PTPRQ: variants seen among roughly 807,000 people sequenced by gnomAD.
The protein encoded by PTPRQ is phosphatidylinositol phosphatase PTPRQ.
A neutral mutation model predicts 246.0 loss-of-function variants in PTPRQ; 199 were observed. The ratio of observed to expected loss-of-function variants is 0.81; its 90% CI spans 0.72 to 0.91. The LOEUF (loss-of-function observed/expected upper bound fraction) is 0.91, where lower values mean the gene tolerates loss of function less well. Among genes scored for constraint, PTPRQ ranks in the 40% least tolerant of loss-of-function variants. The pLI is 0.00. For missense variants in PTPRQ, 2,624 were observed against 2,528.4 expected, an observed-to-expected ratio of 1.04 and a Z score of -0.81; for synonymous variants, 869 against 853.2, an observed-to-expected ratio of 1.02 and a Z score of -0.32.
At chr12:80,627,986 A>G (rs1482878099) in intron 33 of PTPRQ, among the ~76,000 whole-genome samples, 1 of 152,030 alleles carries the variant, frequency 6.6e-6, no homozygotes, top group African/African-American at 2.4e-5. Flanking sequence ...TCATTTCCTC[A>G]TTTGGCCAGT....
intron 3 of PTPRQ, among the ~76,000 whole-genome samples, chr12:80,450,478 G>A (rs1198688156): frequency 3.7e-4 from 56 of 152,174 alleles, no homozygotes; most frequent in East Asian, 1.7e-3. Context: ...GAATGCTTCT[G>A]GTTTTTGCCC....
chr12:80,532,566 G>A (rs1320175065), intron 17 of PTPRQ, among the ~76,000 whole-genome samples: 1 of 152,116 alleles, frequency 6.6e-6, no homozygotes, highest in Non-Finnish European at 1.5e-5. Context: ...CTCTTCTGTA[G>A]TGTCCTGATG....
At chr12:80,592,659 C>T (rs1897838833) in intron 26 of PTPRQ, among the ~76,000 whole-genome samples, 2 of 151,950 alleles carry the variant, frequency 1.3e-5, no homozygotes, top group Non-Finnish European at 2.9e-5. Context: ...GTTGCAAACT[C>T]AAAAAATAAT....
chr12:80,608,933 G>A lies in PTPRQ; in HGVS notation c.4732-1506G>A, dbSNP rs1375205487. On this transcript the variant is annotated intron_variant, in intron 27 of 44. Transcript: ENST00000644991. ...AATTACAAAAAGCATATTTTTATGT[G>A]ATATTCAAATGTTAACAACTAGTTA... Among the ~76,000 whole-genome samples, 3 of 150,486 alleles carry A rather than the reference G, an allele frequency of 2.0e-5. No individual in the cohort carries two copies. In the Admixed American group the frequency reaches 2.0e-4, roughly 10 times the overall value.
intron 3 of PTPRQ, among the ~76,000 whole-genome samples, chr12:80,450,820 G>A (rs1026038572): frequency 2.0e-5 from 3 of 152,186 alleles, no homozygotes; most frequent in Non-Finnish European, 2.9e-5. Context: ...GTTCATCAAG[G>A]ATATTGGTCT....
chr12:80,664,425 A>G (rs1394485496), intron 39 of PTPRQ, among the ~76,000 whole-genome samples: 1 of 151,980 alleles, frequency 6.6e-6, no homozygotes, highest in East Asian at 1.9e-4. Context: ...CTAGTCCCTG[A>G]TAACAGCCAA....
At chr12:80,465,681 G>T (rs1056877600) in intron 6 of PTPRQ, 4 of 152,086 alleles carry the variant, frequency 2.6e-5, no homozygotes, top group Non-Finnish European at 2.9e-5. Flanking sequence ...TTCATCCCTG[G>T]GATGCAAGGC....
intron 25 of PTPRQ, among the ~76,000 whole-genome samples, chr12:80,584,901 T>C (rs1260266264): frequency 6.6e-6 from 1 of 152,048 alleles, no homozygotes. Context: ...TCCCTAAAGA[T>C]AGTGTTTTCT....
intron 36 of PTPRQ, among the ~76,000 whole-genome samples, chr12:80,649,224 C>A (rs1420028818): frequency 1.3e-5 from 2 of 152,082 alleles, no homozygotes; most frequent in African/African-American, 2.4e-5. Flanking sequence ...TTTATATCTT[C>A]TAAAACCTTG....
At chr12:80,610,237 T>C (rs536641376) in intron 27 of PTPRQ, among the ~76,000 whole-genome samples, 72 of 150,712 alleles carry the variant, frequency 4.8e-4, no homozygotes, top group Non-Finnish European at 8.5e-4. Context: ...GTCTTTTTTC[T>C]TTTACTTTCA....
rs535487319 is a variant in PTPRQ, at chr12:80,487,810, C to T, written c.1359+3205C>T. The stretch of plus-strand genomic sequence containing the variant: ...TCACTATATTAGTTTTCCATTGTTC[C>T]ATAACAATTTTCCACAAACTTAGCA... On this transcript the variant is annotated intron_variant, in intron 9 of 44. Coordinates refer to ENST00000644991, the MANE Select transcript of PTPRQ (RefSeq NM_001145026.2). Among the ~76,000 whole-genome samples, 5 of 152,194 alleles carry T rather than the reference C, an allele frequency of 3.3e-5. No homozygotes were observed. The South Asian group carries it at 1.0e-3, about 32-fold the overall frequency.
chr12:80,634,122 G>C (rs1397271154), intron 34 of PTPRQ, among the ~76,000 whole-genome samples: 1 of 151,940 alleles, frequency 6.6e-6, no homozygotes, highest in Admixed American at 6.6e-5. Flanking sequence ...GTTGTAATTT[G>C]AATCTTTTTT....
intron 12 of PTPRQ, 123 bp from the exon 13 acceptor site, chr12:80,495,876 T>C: frequency 8.4e-7 from 1 of 1,184,908 alleles, no homozygotes; most frequent in African/African-American, 1.6e-5. Context: ...CTGCAATTAT[T>C]TGGAAGCGAT....
chr12:80,594,762 T>C (rs930236761), intron 26 of PTPRQ, among the ~76,000 whole-genome samples: 3 of 151,684 alleles, frequency 2.0e-5, no homozygotes, highest in Non-Finnish European at 4.4e-5. Context: ...CTTCTAAATA[T>C]CTCTTGTATT....
chr12:80,626,707 C>T lies in PTPRQ; in HGVS notation c.5686+4573C>T, dbSNP rs118082028. On this transcript the variant is annotated intron_variant, in intron 33 of 44. Transcript: ENST00000644991. ...GTACTTGTAACCACTGCACACACTA[C>T]CTGCAAATCACTAAGTCCCCAAGTA... Among the ~76,000 whole-genome samples, 281 of 152,272 alleles carry T rather than the reference C, an allele frequency of 1.8e-3. 1 individual carries two copies. The highest frequency in any genetic ancestry group is 6.6e-3 in the African/African-American group (273 of 41,558).
chr12:80,526,802 A>C (rs2400722), intron 17 of PTPRQ, among the ~76,000 whole-genome samples: 80,633 of 151,854 alleles, frequency 0.53, 24,164 homozygotes, highest in Non-Finnish European at 0.67. Context: ...AATGAAAATT[A>C]ATGAGCTTTT....
intron 14 of PTPRQ, among the ~76,000 whole-genome samples, chr12:80,499,844 G>C (rs1413780986): frequency 6.6e-6 from 1 of 151,712 alleles, no homozygotes; most frequent in African/African-American, 2.4e-5. Context: ...ATAAGCCTAA[G>C]ATTAGTTTTT....
chr12:80,494,609 T>C (rs1894550966), intron 10 of PTPRQ, among the ~76,000 whole-genome samples: 1 of 151,964 alleles, frequency 6.6e-6, no homozygotes, highest in African/African-American at 2.4e-5. Context: ...AACCAGCCTC[T>C]TTAAGAAAGT....
chr12:80,627,462 A>G (rs1009655087), intron 33 of PTPRQ, among the ~76,000 whole-genome samples: 1 of 151,546 alleles, frequency 6.6e-6, no homozygotes, highest in Non-Finnish European at 1.5e-5. Context: ...AAGACTTTCC[A>G]TTTTATATGC....
Sources: gnomAD v4.1 joint callset for allele counts (sites outside exome capture counted in the v4.1 genomes callset) on GRCh38, gnomAD v4.1.1 for gene constraint, MANE v1.5 for transcripts, NCBI Gene and HGNC (gene_info 2026-07-23, HGNC 2026-07-21) for gene names.